Variants in ITGA11 observed in about 807,000 individuals in gnomAD.
ITGA11 encodes integrin alpha-11.
A neutral mutation model predicts 141.9 loss-of-function variants in ITGA11; 97 were observed. That is an observed-to-expected ratio of 0.68 (90% CI 0.58 to 0.81). The LOEUF (loss-of-function observed/expected upper bound fraction) is 0.81, where lower values mean the gene tolerates loss of function less well. ITGA11 is among the 30% of genes least tolerant of loss of function. The pLI is 0.00. For synonymous variants in ITGA11, 658 were observed against 624.6 expected (o/e 1.05, Z -0.80); for missense variants, 1,387 against 1,559.2 (o/e 0.89, Z 1.86).
intron 7 of ITGA11, among the ~76,000 whole-genome samples, chr15:68,354,532 G>A (rs1218821556): frequency 6.6e-6 from 1 of 152,160 alleles, no homozygotes; most frequent in Non-Finnish European, 1.5e-5. Flanking sequence ...CCTTGCTGTG[G>A]TCAAAAGGAG....
rs561527790 is a variant in ITGA11 at position 68,326,136 on chromosome 15, G to A, written c.2211+518C>T. ...TGAGTGACCCTGCTTGCATCTCTGG[G>A]GCTGGAGCTGTGAGCTGGGTATTTG... On this transcript the variant is annotated intron_variant, in intron 17 of 29. Coordinates refer to ENST00000315757, the MANE Select transcript of ITGA11 (RefSeq NM_001004439.2). This position sits in a 1 kb window ranked among gnomAD's most constrained non-coding sequence, Gnocchi z 6.8. 6.6e-6 allele frequency among the ~76,000 whole-genome samples: 1 copy of A among 152,366 alleles called. No homozygotes were observed. The highest frequency in any genetic ancestry group is 6.5e-5 in the Admixed American group (1 of 15,312).
Position 68,304,074 on chromosome 15 carries a change from G to A in ITGA11, c.3382-189C>T, listed in dbSNP as rs190122751. Among the ~76,000 whole-genome samples the A allele has an allele frequency of 1.8e-4, 28 of 152,206 alleles. 1 individual carries two copies. The East Asian group carries it at 4.4e-3, about 24-fold the overall frequency. On this transcript the variant is annotated intron_variant, in intron 28 of 29. Coordinates refer to ENST00000315757, the MANE Select transcript of ITGA11 (RefSeq NM_001004439.2). The surrounding 1 kb of genome is among the most constrained non-coding windows in gnomAD (Gnocchi z 6.1). ...CAGGACGACCACTGCCTGAACAGCC[G>A]ACACTGGGTTCAGTGGCCCAAGTGA...
In ITGA11 at chr15:68,413,132, G is replaced by T. The variant is rs74343479; in HGVS notation, c.53-10103C>A. Among the ~76,000 whole-genome samples, 271 of 152,206 alleles carry T rather than the reference G, an allele frequency of 1.8e-3. 1 individual carries two copies. The highest frequency in any genetic ancestry group is 6.2e-3 in the African/African-American group (258 of 41,542). ...GTGGATGTTGGGGTTAGGACTAGGG[G>T]GTAGGGAGGAATTTCCCACCCTCAG... On this transcript the variant is annotated intron_variant, in intron 1 of 29. Transcript: ENST00000315757.
Position 68,307,384 on chromosome 15 carries a change from G to C in ITGA11, c.3345C>G (p.Ser1115Arg). Reference sequence around the variant, plus strand: ...GATCCTCCTCACGGAAGATGAAGGGGCTGTGGAACTGCCTCTGCAAGGCTG... The same window carrying C: ...GATCCTCCTCACGGAAGATGAAGGGCCTGTGGAACTGCCTCTGCAAGGCTG... ...VNAALQRQFHSPFIFREEDPS... is the reference protein window; with the variant it reads ...VNAALQRQFHRPFIFREEDPS... The change falls in exon 28 of 30, where the codon AGC (serine) becomes AGG (arginine). Residue 1115 changes from serine to arginine, a missense_variant. Physicochemically the swap from Ser to Arg is moderately radical, Grantham distance 110. Coordinates refer to ENST00000315757, the MANE Select transcript of ITGA11 (RefSeq NM_001004439.2). The surrounding 1 kb of genome is among the most constrained non-coding windows in gnomAD (Gnocchi z 6.1). The C allele has an allele frequency of 1.3e-6, 2 of 1,558,490 alleles. No homozygotes were observed. The highest frequency in any genetic ancestry group is 3.8e-5 in the Admixed American group (2 of 52,148).
intron 2 of ITGA11, among the ~76,000 whole-genome samples, chr15:68,396,845 A>G (rs1478842873): frequency 7.2e-6 from 1 of 139,212 alleles, no homozygotes; most frequent in African/African-American, 2.7e-5. Flanking sequence ...AATATGTAAT[A>G]GTATAAAATA....
chr15:68,353,103 A>G (rs1894964989), intron 7 of ITGA11, among the ~76,000 whole-genome samples: 1 of 152,248 alleles, frequency 6.6e-6, no homozygotes, highest in Non-Finnish European at 1.5e-5. Flanking sequence ...CAGGTTAAAG[A>G]GCCACACGGC....
chr15:68,327,973 G>T, intron 16 of ITGA11, 123 bp downstream of exon 16: 1 of 885,056 alleles, frequency 1.1e-6, no homozygotes, highest in Non-Finnish European at 1.7e-6. Context: ...AGTCATCCAA[G>T]GTGGCTCTTG....
At chr15:68,423,278 G>A (rs1897062089) in intron 1 of ITGA11, among the ~76,000 whole-genome samples, 2 of 152,118 alleles carry the variant, frequency 1.3e-5, no homozygotes, top group East Asian at 1.9e-4. Context: ...GGACACCTTG[G>A]AATCACACAA....
chr15:68,327,785 C>G (rs1232823343), intron 16 of ITGA11, among the ~76,000 whole-genome samples: 1 of 152,196 alleles, frequency 6.6e-6, no homozygotes, highest in East Asian at 1.9e-4. Context: ...TCTGGGCTTC[C>G]ACACCCCACT....
intron 2 of ITGA11, among the ~76,000 whole-genome samples, chr15:68,372,527 C>A (rs144459986): frequency 1.3e-5 from 2 of 152,230 alleles, no homozygotes; most frequent in Admixed American, 1.3e-4. Flanking sequence ...ATTCTTCCTG[C>A]GGAGGCGCAG....
Position 68,328,386 on chromosome 15 carries a change from G to A in ITGA11, c.1902-124C>T. The A allele has an allele frequency of 1.6e-6, 1 of 636,300 alleles. No individual in the cohort carries two copies. The highest frequency in any genetic ancestry group is 1.9e-5 in the African/African-American group (1 of 53,086). 39.4% of individuals were successfully genotyped at this position (636,300 alleles called of 1,614,324 possible). A position where few individuals can be genotyped will look rare whatever the true frequency, so the allele number is the denominator to read the frequency against. On this transcript the variant is annotated intron_variant, in intron 15 of 29. Transcript: ENST00000315757. This position sits in a 1 kb window ranked among gnomAD's most constrained non-coding sequence, Gnocchi z 4.8. ...CAAAGCCACTGGAGGGGGTGAGGTG[G>A]AGGATGGAGGGGGCGAGGTGGAGGA... is the stretch of plus-strand genomic sequence containing the variant.
intron 7 of ITGA11, chr15:68,356,929 C>A: frequency 1.9e-6 from 1 of 526,228 alleles, no homozygotes; most frequent in Non-Finnish European, 3.3e-6. Flanking sequence ...CACGTGAGAA[C>A]CTTCAGATGA....
intron 14 of ITGA11, among the ~76,000 whole-genome samples, chr15:68,331,583 G>A (rs1397187399): frequency 6.6e-6 from 1 of 151,488 alleles, no homozygotes; most frequent in African/African-American, 2.4e-5. Flanking sequence ...GGGGGAGTGA[G>A]GGTCAGGTGC....
At chr15:68,320,532 G>A in intron 19 of ITGA11, 140 bp from the exon 20 acceptor site, 1 of 648,130 alleles carries the variant, frequency 1.5e-6, no homozygotes, top group Non-Finnish European at 2.7e-6. Flanking sequence ...TGGGAGGAGA[G>A]TGGAAATGGA....
At position 68,311,449 on chromosome 15, in the gene ITGA11, G is replaced by A. The variant is rs1441156115; in HGVS notation, c.2974-46C>T. 8.6e-6 allele frequency: 12 copies of A among 1,395,452 alleles called. No individual in the cohort carries two copies. The African/African-American group carries it at 1.4e-4, about 17-fold the overall frequency. The allele number at this position is 1,395,452 out of a possible 1,614,324, so 86.4% of individuals were successfully genotyped here. ...GTGTCAGTACAGTCAGTTGAGGGGGGTGGAAAACAAGGTCCACAGGGGCCA... is the reference window on the plus strand; with the variant it reads ...GTGTCAGTACAGTCAGTTGAGGGGGATGGAAAACAAGGTCCACAGGGGCCA... On this transcript the variant is annotated intron_variant, in intron 24 of 29. Coordinates refer to ENST00000315757, the MANE Select transcript of ITGA11 (RefSeq NM_001004439.2).
chr15:68,320,681 ACAT>A (rs1893776189), intron 19 of ITGA11, among the ~76,000 whole-genome samples: 2 of 152,204 alleles, frequency 1.3e-5, no homozygotes, highest in Admixed American at 1.3e-4. Flanking sequence ...ACCACTCCGC[ACAT>A]CATGTTTCCC....
chr15:68,324,501 T>C lies in ITGA11; in HGVS notation c.2322+630A>G, dbSNP rs1172294081. 6.6e-6 allele frequency among the ~76,000 whole-genome samples: 1 copy of C among 152,150 alleles called. No individual in the cohort carries two copies. The highest frequency in any genetic ancestry group is 1.9e-4 in the East Asian group (1 of 5,186). ...TGCTCTTGCAGCACAGCAGCAGAAT[T>C]GATCACTGCCTGACATTTTCCTTGA... On this transcript the variant is annotated intron_variant, in intron 18 of 29. Transcript: ENST00000315757. This position sits in a 1 kb window ranked among gnomAD's most constrained non-coding sequence, Gnocchi z 6.3.
chr15:68,383,184 T>C (rs568369203), intron 2 of ITGA11, among the ~76,000 whole-genome samples: 1 of 150,986 alleles, frequency 6.6e-6, no homozygotes, highest in East Asian at 1.9e-4. Flanking sequence ...GGGAGGAGAA[T>C]GGCGTGAACT....
rs1369318992 is a variant in ITGA11 at position 68,379,611 on chromosome 15, C to T, written c.165-10327G>A. On this transcript the variant is annotated intron_variant, in intron 2 of 29. Transcript: ENST00000315757. Reference sequence around the variant, plus strand: ...GTCCCATCTGCAGGTGGACAACCAGCCTTGGTGAGCCCTTGGCCCAGCTCT... The same window carrying T: ...GTCCCATCTGCAGGTGGACAACCAGTCTTGGTGAGCCCTTGGCCCAGCTCT... Among the ~76,000 whole-genome samples, 3 of 152,338 alleles carry T rather than the reference C, an allele frequency of 2.0e-5. No homozygotes were observed. The East Asian group carries it at 5.8e-4, about 29-fold the overall frequency.
Sources: allele counts gnomAD v4.1 joint callset (sites outside exome capture counted in the v4.1 genomes callset), GRCh38; gene constraint gnomAD v4.1.1; non-coding constraint Gnocchi (gnomAD v3.1); transcripts MANE v1.5; gene names NCBI Gene and HGNC (gene_info 2026-07-23, HGNC 2026-07-21).